RORB: variants seen among roughly 807,000 people sequenced by gnomAD.
RORB encodes the protein nuclear receptor ROR-beta.
Under a neutral mutation model 59.1 loss-of-function variants are expected in RORB, and 6 were observed. That is an observed-to-expected ratio of 0.10 (90% CI 0.06 to 0.20). The LOEUF (loss-of-function observed/expected upper bound fraction) is 0.20. Among genes scored for constraint, RORB ranks in the 10% least tolerant of loss-of-function variants. RORB has a pLI of 1.00. For synonymous variants in RORB, 215 were observed against 204.5 expected, an observed-to-expected ratio of 1.05 and a Z score of -0.44; for missense variants, 320 against 560.5, an observed-to-expected ratio of 0.57 and a Z score of 4.33.
chr9:74,500,719 C>T (rs1345623864), intron 1 of RORB, among the ~76,000 whole-genome samples: 5 of 152,126 alleles, frequency 3.3e-5, no homozygotes, highest in Admixed American at 2.6e-4. Flanking sequence ...ACTCCTCCCC[C>T]GCCTAGGGCA....
At chr9:74,615,636 A>G (rs1285471504) in intron 1 of RORB, 5 of 454,062 alleles carry the variant, frequency 1.1e-5, no homozygotes, top group Non-Finnish European at 2.2e-5. Flanking sequence ...AGCTGACGCC[A>G]CTGGTGAGTT....
intron 8 of RORB, among the ~76,000 whole-genome samples, chr9:74,668,711 C>T (rs1824305254): frequency 6.6e-6 from 1 of 152,128 alleles, no homozygotes; most frequent in Non-Finnish European, 1.5e-5. Context: ...TCATAAAGGT[C>T]TTCATCATGG....
Position 74,561,925 on chromosome 9 carries a change from G to GT in RORB, c.7+63943dup, listed in dbSNP as rs1207417337. ...AGCACTTTTGATGAGTACTGGCCAGGTATTATGTAGAATGTCACTCCACTC... is the reference window on the plus strand; with the variant it reads ...AGCACTTTTGATGAGTACTGGCCAGGTTATTATGTAGAATGTCACTCCACTC... On this transcript the variant is annotated intron_variant, in intron 1 of 9. Transcript: ENST00000376896. Among the ~76,000 whole-genome samples, 12 of 152,114 alleles carry GT rather than the reference G, an allele frequency of 7.9e-5. No individual in the cohort carries two copies. In the South Asian group the frequency reaches 2.5e-3, roughly 32 times the overall value.
chr9:74,655,872 T>A (rs915371952), intron 4 of RORB, among the ~76,000 whole-genome samples: 2 of 152,206 alleles, frequency 1.3e-5, no homozygotes, highest in African/African-American at 4.8e-5. Flanking sequence ...AGTCGGTTTT[T>A]GCACATGGCT....
intron 7 of RORB, among the ~76,000 whole-genome samples, chr9:74,666,005 C>A (rs944814479): frequency 6.6e-6 from 1 of 152,082 alleles, no homozygotes; most frequent in Admixed American, 6.6e-5. Flanking sequence ...AGCTGGGCAT[C>A]ACCAGGTGTG....
chr9:74,604,985 A>T (rs1275642819), intron 1 of RORB, among the ~76,000 whole-genome samples: 1 of 152,182 alleles, frequency 6.6e-6, no homozygotes, highest in African/African-American at 2.4e-5. Context: ...GTACTTTTTC[A>T]TTTGTTCTGA....
intron 3 of RORB, among the ~76,000 whole-genome samples, chr9:74,641,856 A>G (rs1823812156): frequency 6.6e-6 from 1 of 152,130 alleles, no homozygotes; most frequent in African/African-American, 2.4e-5. Context: ...TCAGTGAGCT[A>G]TGATCATGCC....
intron 4 of RORB, among the ~76,000 whole-genome samples, chr9:74,659,328 G>A (rs1324120837): frequency 6.6e-6 from 1 of 152,176 alleles, no homozygotes; most frequent in African/African-American, 2.4e-5. Flanking sequence ...CTGGAGAAAT[G>A]GGGTTGGCCA....
intron 1 of RORB, among the ~76,000 whole-genome samples, chr9:74,547,947 A>T (rs1455407666): frequency 6.6e-6 from 1 of 152,258 alleles, no homozygotes; most frequent in Admixed American, 6.5e-5. Flanking sequence ...AGGCTACTGT[A>T]ATAATCCAGG....
intron 1 of RORB, among the ~76,000 whole-genome samples, chr9:74,566,589 G>A (rs1713951324): frequency 6.6e-6 from 1 of 152,238 alleles, no homozygotes; most frequent in East Asian, 1.9e-4. Flanking sequence ...CTGTGGTCAG[G>A]AGTTCGAGAC....
At position 74,638,847 on chromosome 9, in the gene RORB, T is replaced by A. The variant is rs189077065; in HGVS notation, c.236-3567T>A. On this transcript the variant is annotated intron_variant, in intron 3 of 9. Coordinates refer to ENST00000376896, the MANE Select transcript of RORB (RefSeq NM_006914.4). The stretch of plus-strand genomic sequence containing the variant: ...AATAAATGGAAAATTAATTATAGAA[T>A]AGTATTACAGTCATTGTCAGTGAAG... 2.1e-3 allele frequency among the ~76,000 whole-genome samples: 324 copies of A among 152,320 alleles called. 6 individuals are homozygous for A. The highest frequency in any genetic ancestry group is 7.4e-3 in the African/African-American group (306 of 41,580).
At chr9:74,555,180 T>A (rs944069386) in intron 1 of RORB, among the ~76,000 whole-genome samples, 1 of 152,208 alleles carries the variant, frequency 6.6e-6, no homozygotes, top group African/African-American at 2.4e-5. Flanking sequence ...AAGTCTGAAA[T>A]CAGATCTGGC....
At chr9:74,631,379 T>G (rs1379103102) in intron 2 of RORB, among the ~76,000 whole-genome samples, 2 of 152,238 alleles carry the variant, frequency 1.3e-5, no homozygotes, top group Non-Finnish European at 2.9e-5. Context: ...AGAGCAATTA[T>G]ATTTTTGATC....
rs943454426 is a variant in RORB, at chr9:74,659,951, A to C, written c.638-666A>C. Reference sequence around the variant, plus strand: ...ATTATATAAAAAATTAAAAAGGAGAATATAATGGTCCCTATGACCCAATTC... The same window carrying C: ...ATTATATAAAAAATTAAAAAGGAGACTATAATGGTCCCTATGACCCAATTC... On this transcript the variant is annotated intron_variant, in intron 4 of 9. Coordinates refer to ENST00000376896, the MANE Select transcript of RORB (RefSeq NM_006914.4). Among the ~76,000 whole-genome samples the C allele has an allele frequency of 2.8e-4, 43 of 150,902 alleles. 1 individual carries two copies. Among genetic ancestry groups the C allele is most frequent in the African/African-American group, 1.0e-3 (41 of 41,002 alleles).
At chr9:74,603,377 C>T (rs1823098898) in intron 1 of RORB, among the ~76,000 whole-genome samples, 1 of 152,140 alleles carries the variant, frequency 6.6e-6, no homozygotes, top group Non-Finnish European at 1.5e-5. Flanking sequence ...GGAATCATGG[C>T]ACCAGTTTGA....
At chr9:74,610,612 GAC>G (rs1184720002) in intron 1 of RORB, among the ~76,000 whole-genome samples, 3 of 152,110 alleles carry the variant, frequency 2.0e-5, no homozygotes, top group African/African-American at 7.2e-5. Context: ...ATTTGGGGGA[GAC>G]ACACACATTC....
At chr9:74,535,844 A>T (rs1252198585) in intron 1 of RORB, among the ~76,000 whole-genome samples, 1 of 152,028 alleles carries the variant, frequency 6.6e-6, no homozygotes, top group East Asian at 1.9e-4. Context: ...AACATTACTC[A>T]TTTATAAGAA....
intron 7 of RORB, among the ~76,000 whole-genome samples, chr9:74,666,756 A>G (rs1347566932): frequency 6.6e-6 from 1 of 152,214 alleles, no homozygotes; most frequent in African/African-American, 2.4e-5. Flanking sequence ...GTCCACAGTG[A>G]TCCCAGACCA....
In RORB at chr9:74,686,649, G is replaced by T. The variant is rs1824651509; in HGVS notation, c.*1031G>T. ...TATGACTACCAGCAATTTTTTTCTA[G>T]GAAAGTTAAAAGAATAAATCAGAAC... On this transcript the variant is annotated 3_prime_UTR_variant, in exon 10 of 10. Transcript: ENST00000376896. The T allele has an allele frequency of 6.6e-6, 1 of 152,146 alleles. No homozygotes were observed. Among genetic ancestry groups the T allele is most frequent in the African/African-American group, 2.4e-5 (1 of 41,364 alleles). 9.4% of individuals were successfully genotyped at this position (152,146 alleles called of 1,614,324 possible). A position where few individuals can be genotyped will look rare whatever the true frequency, so the allele number is the denominator to read the frequency against.
Sources: allele counts gnomAD v4.1 joint callset (sites outside exome capture counted in the v4.1 genomes callset), GRCh38; gene constraint gnomAD v4.1.1; transcripts MANE v1.5; gene names NCBI Gene and HGNC (gene_info 2026-07-23, HGNC 2026-07-21).